ZNF385D: variants seen among roughly 807,000 people sequenced by gnomAD.
The protein encoded by ZNF385D is zinc finger protein 385D.
A neutral mutation model predicts 35.8 loss-of-function variants in ZNF385D; 15 were observed. That is an observed-to-expected ratio of 0.42 (90% CI 0.28 to 0.64). The LOEUF is 0.64. Among genes scored for constraint, ZNF385D ranks in the 30% least tolerant of loss-of-function variants. ZNF385D has a pLI of 0.23. For synonymous variants in ZNF385D, 212 were observed against 186.8 expected (o/e 1.13, Z -1.10); for missense variants, 474 against 494.6 (o/e 0.96, Z 0.39).
chr3:21,893,282 C>A (rs1030734773), intron 3 of ZNF385D, among the ~76,000 whole-genome samples: 23 of 152,174 alleles, frequency 1.5e-4, no homozygotes, highest in African/African-American at 5.5e-4. Context: ...AGATACACAT[C>A]ATTCCAAATA....
intron 1 of ZNF385D, among the ~76,000 whole-genome samples, chr3:21,728,722 A>C (rs1356866118): frequency 6.6e-6 from 1 of 152,204 alleles, no homozygotes; most frequent in African/African-American, 2.4e-5. Context: ...TGAGGGGCAG[A>C]GGAGATTCAA....
intron 3 of ZNF385D, among the ~76,000 whole-genome samples, chr3:21,814,252 A>G (rs1268618542): frequency 1.3e-5 from 2 of 152,216 alleles, no homozygotes; most frequent in Non-Finnish European, 2.9e-5. Flanking sequence ...AATATGCCAA[A>G]TTGTAAAGAC....
intron 2 of ZNF385D, among the ~76,000 whole-genome samples, chr3:21,613,933 C>G (rs924908358): frequency 2.0e-5 from 3 of 152,164 alleles, no homozygotes; most frequent in African/African-American, 7.2e-5. Flanking sequence ...ATAAGAATGA[C>G]TCAAACACAG....
At chr3:22,110,239 A>G (rs1313635234) in intron 3 of ZNF385D, among the ~76,000 whole-genome samples, 1 of 151,970 alleles carries the variant, frequency 6.6e-6, no homozygotes, top group Non-Finnish European at 1.5e-5. Context: ...GCGATTCCTC[A>G]GGGATCTAGA....
intron 3 of ZNF385D, among the ~76,000 whole-genome samples, chr3:22,110,167 G>C (rs368128870): frequency 1.3e-5 from 2 of 152,078 alleles, no homozygotes; most frequent in Admixed American, 6.6e-5. Context: ...TGGAGAAATA[G>C]GAACACTTTC....
intron 2 of ZNF385D, among the ~76,000 whole-genome samples, chr3:22,357,849 G>C (rs1402450092): frequency 6.6e-6 from 1 of 151,822 alleles, no homozygotes; most frequent in Non-Finnish European, 1.5e-5. Flanking sequence ...ATAACTTCTG[G>C]AGTAATCTAA....
intron 3 of ZNF385D, among the ~76,000 whole-genome samples, chr3:22,072,344 A>T (rs200350383): frequency 6.4e-5 from 2 of 31,012 alleles, no homozygotes; most frequent in Admixed American, 1.8e-4. Flanking sequence ...ACGGAAAAAT[A>T]AAAAAAAATG....
chr3:22,293,003 T>A (rs1201123617), intron 2 of ZNF385D, among the ~76,000 whole-genome samples: 1 of 152,076 alleles, frequency 6.6e-6, no homozygotes. Flanking sequence ...TGATTTATTA[T>A]CTCCATTGAT....
At chr3:21,686,744 C>T (rs1260050294) in intron 1 of ZNF385D, among the ~76,000 whole-genome samples, 1 of 152,138 alleles carries the variant, frequency 6.6e-6, no homozygotes, top group Non-Finnish European at 1.5e-5. Context: ...AGACCTAGAA[C>T]TTAATGTGCA....
Position 21,510,974 on chromosome 3 carries a change from T to C in ZNF385D, c.326A>G (p.Lys109Arg). 1 of 1,614,156 alleles carries C rather than the reference T, an allele frequency of 6.2e-7. No individual in the cohort carries two copies. The highest frequency in any genetic ancestry group is 8.5e-7 in the Non-Finnish European group (1 of 1,179,996). ...CTTATTTTTCATGGCTTCCAGTGCT[T>C]TGAGCTTCTTGGCATGTTTCGTGCC... ...YKGTKHAKKL[K>R]ALEAMKNKQK... Residue 109 changes from lysine (K) to arginine (R), a missense_variant, in exon 4 of 8, where the codon AAA becomes AGA. Transcript: ENST00000281523.
In ZNF385D at chr3:21,971,210, T is replaced by C. The variant is rs114776153; in HGVS notation, c.325+197607A>G. On this transcript the variant is annotated intron_variant, in intron 3 of 5. Coordinates refer to the ZNF385D transcript ENST00000494108. ...GTAATTATGGTGTATAAACTACTCA[T>C]ACCCAGAATAGAAAGACTAAAAGAT... Among the ~76,000 whole-genome samples, 346 of 152,138 alleles carry C rather than the reference T, an allele frequency of 2.3e-3. 3 individuals carry two copies. The highest frequency in any genetic ancestry group is 7.9e-3 in the African/African-American group (327 of 41,542).
At chr3:21,657,205 T>G (rs2066097726) in intron 2 of ZNF385D, among the ~76,000 whole-genome samples, 2 of 151,966 alleles carry the variant, frequency 1.3e-5, no homozygotes, top group Admixed American at 1.3e-4. Flanking sequence ...AGAACTAAGT[T>G]GCAGGGGAAG....
At chr3:22,183,517 C>A (rs543855809) in intron 2 of ZNF385D, among the ~76,000 whole-genome samples, 1 of 152,010 alleles carries the variant, frequency 6.6e-6, no homozygotes, top group South Asian at 2.1e-4. Context: ...ACCACCATGC[C>A]CAGCTAATTT....
upstream of ZNF385D, among the ~76,000 whole-genome samples, chr3:21,751,781 T>C (rs566803510): frequency 5.3e-5 from 8 of 152,210 alleles, no homozygotes; most frequent in African/African-American, 9.6e-5. Context: ...TGAGCTATTA[T>C]GTTGATAGAA....
At chr3:21,537,517 A>C (rs1183529665) in intron 3 of ZNF385D, among the ~76,000 whole-genome samples, 2 of 152,026 alleles carry the variant, frequency 1.3e-5, no homozygotes, top group Non-Finnish European at 2.9e-5. Context: ...ATTATAATAA[A>C]ATTTTCTTTA....
intron 2 of ZNF385D, among the ~76,000 whole-genome samples, chr3:21,653,478 C>T (rs2065982297): frequency 6.6e-6 from 1 of 151,966 alleles, no homozygotes. Flanking sequence ...CAGTAAGAAG[C>T]TTGCATATGT....
At chr3:21,606,218 C>G (rs937700767) in intron 2 of ZNF385D, among the ~76,000 whole-genome samples, 1 of 152,316 alleles carries the variant, frequency 6.6e-6, no homozygotes, top group Middle Eastern at 3.4e-3. Flanking sequence ...ACAGCCCTTG[C>G]TTTTCTGGGC....
chr3:21,582,602 G>A (rs1324694965), intron 2 of ZNF385D, among the ~76,000 whole-genome samples: 1 of 152,064 alleles, frequency 6.6e-6, no homozygotes, highest in African/African-American at 2.4e-5. Context: ...CTCAGTTGTG[G>A]AGATAAAGGA....
At chr3:22,338,851 C>T (rs1000999419) in intron 2 of ZNF385D, among the ~76,000 whole-genome samples, 2 of 151,730 alleles carry the variant, frequency 1.3e-5, no homozygotes, top group African/African-American at 4.8e-5. Context: ...CAGGCACGTG[C>T]CACCACACCT....
Sources: gnomAD v4.1 joint callset for allele counts (sites outside exome capture counted in the v4.1 genomes callset) on GRCh38, gnomAD v4.1.1 for gene constraint, MANE v1.5 for transcripts, NCBI Gene and HGNC (gene_info 2026-07-23, HGNC 2026-07-21) for gene names.